MEG3: variants seen among roughly 807,000 people sequenced by gnomAD.
MEG3 encodes maternally expressed 3.
exon 1 of MEG3, chr14:100,835,645 A>C (rs1054000): frequency 0.17 from 26,844 of 156,424 alleles, 2,447 homozygotes; most frequent in African/African-American, 0.21. Flanking sequence ...CTCCCTGCCA[A>C]GCCCATACCT....
rs982384480 is a variant in MEG3, at chr14:100,852,084, G to A, written n.3121+6551G>A. 76 of 315,618 alleles carry A rather than the reference G, an allele frequency of 2.4e-4. 1 individual carries two copies. The highest frequency in any genetic ancestry group is 1.9e-3 in the Admixed American group (44 of 23,034). 19.6% of individuals were successfully genotyped at this position (315,618 alleles called of 1,614,324 possible). On this transcript the variant is annotated intron_variant and non_coding_transcript_variant, in intron 3 of 3. Transcript: ENST00000398461. The stretch of plus-strand genomic sequence containing the variant: ...ACTTGTGGCAGGGAGCACGTGGGAG[G>A]CAGGGGAGTGGGGTGGGGCCAGGCC...
At chr14:100,839,797 C>T (rs2037696884) in intron 2 of MEG3, among the ~76,000 whole-genome samples, 1 of 152,156 alleles carries the variant, frequency 6.6e-6, no homozygotes, top group Admixed American at 6.5e-5. Flanking sequence ...CAGCTCCAGC[C>T]GGATCCAGCA....
intron 2 of MEG3, among the ~76,000 whole-genome samples, chr14:100,841,859 T>C (rs2037770308): frequency 1.3e-5 from 2 of 152,328 alleles, no homozygotes; most frequent in Admixed American, 1.3e-4. Flanking sequence ...GAGATGTTCG[T>C]TCCCCCAACC....
intron 2 of MEG3, among the ~76,000 whole-genome samples, chr14:100,839,425 G>A (rs1038086942): frequency 6.6e-6 from 1 of 152,216 alleles, no homozygotes; most frequent in Admixed American, 6.5e-5. Flanking sequence ...GATTTGAGCA[G>A]ATGGAAGAGT....
chr14:100,846,593 AT>A (rs2037924145), intron 3 of MEG3: 1 of 152,264 alleles, frequency 6.6e-6, no homozygotes, highest in African/African-American at 2.4e-5. Flanking sequence ...TATCTATTGC[AT>A]TGTATAATAA....
exon 1 of MEG3, chr14:100,858,149 C>T (rs147729785): frequency 4.5e-4 from 69 of 152,670 alleles, no homozygotes; most frequent in African/African-American, 1.6e-3. Context: ...CCAAATAAGG[C>T]CTCCTGCCTG....
intron 3 of MEG3, chr14:100,851,473 C>T (rs531718413): frequency 7.3e-4 from 111 of 152,384 alleles, no homozygotes; most frequent in Non-Finnish European, 1.2e-3. Flanking sequence ...AAGGGGGACC[C>T]AGAAGCCCCG....
rs893531205 is a variant in MEG3, at chr14:100,845,166, G to T, written n.3046-292G>T. 6.6e-6 allele frequency among the ~76,000 whole-genome samples: 1 copy of T among 152,178 alleles called. No homozygotes were observed. The highest frequency in any genetic ancestry group is 2.4e-5 in the African/African-American group (1 of 41,432). Reference sequence around the variant, plus strand: ...CCACCCCCGTTTCTCATCTATGCAGGGTCCTAAGCCTTTGGGTCCCACAGA... The same window carrying T: ...CCACCCCCGTTTCTCATCTATGCAGTGTCCTAAGCCTTTGGGTCCCACAGA... On this transcript the variant is annotated intron_variant and non_coding_transcript_variant, in intron 2 of 3. Transcript: ENST00000398461. The surrounding 1 kb of genome is among the most constrained non-coding windows in gnomAD (Gnocchi z 5.2).
chr14:100,840,867 C>A (rs2037734339), intron 2 of MEG3, among the ~76,000 whole-genome samples: 1 of 152,220 alleles, frequency 6.6e-6, no homozygotes, highest in African/African-American at 2.4e-5. Flanking sequence ...GGGCCAAAGG[C>A]TGACCGCATG....
chr14:100,827,080 G>A (rs1027287064), intron 1 of MEG3, among the ~76,000 whole-genome samples: 41 of 152,252 alleles, frequency 2.7e-4, no homozygotes, highest in African/African-American at 9.6e-4. Context: ...TGGGAGCTGG[G>A]GATGGGGTGC....
upstream of MEG3, chr14:100,853,495 T>A (rs1278309918): frequency 6.6e-6 from 1 of 152,164 alleles, no homozygotes; most frequent in Non-Finnish European, 1.5e-5. Context: ...CTTACAGGCA[T>A]ACTTTTTTTA....
intron 2 of MEG3, among the ~76,000 whole-genome samples, chr14:100,844,196 G>A (rs1292886825): frequency 6.6e-6 from 1 of 152,072 alleles, no homozygotes; most frequent in Admixed American, 6.5e-5. Flanking sequence ...TGGCCTTTCT[G>A]TTTCCTGGGT....
At chr14:100,857,249 TAGAA>T (rs764720405) in exon 1 of MEG3, 2 of 152,196 alleles carry the variant, frequency 1.3e-5, no homozygotes, top group African/African-American at 4.8e-5. Context: ...TGTTTTATGT[TAGAA>T]AGCGCGTAGC....
intron 1 of MEG3, among the ~76,000 whole-genome samples, chr14:100,827,047 G>T (rs1405499237): frequency 6.6e-6 from 1 of 152,006 alleles, no homozygotes; most frequent in Non-Finnish European, 1.5e-5. Flanking sequence ...AGAAAAGGGG[G>T]TGTGTTGCTG....
rs540104377 is a variant in MEG3, at chr14:100,837,710, T to C, written n.3045+1410T>C. 1.3e-5 allele frequency among the ~76,000 whole-genome samples: 2 copies of C among 151,434 alleles called. No individual in the cohort carries two copies. The highest frequency in any genetic ancestry group is 2.9e-5 in the Non-Finnish European group (2 of 67,910). On this transcript the variant is annotated intron_variant and non_coding_transcript_variant, in intron 2 of 3. Coordinates refer to the MEG3 transcript ENST00000398461. The surrounding 1 kb of genome is among the most constrained non-coding windows in gnomAD (Gnocchi z 5.8). ...GTCTCTGGTTTCCGACGCAGCCTCG[T>C]AATGCTCTTTAATCAAACAGAGGAT...
chr14:100,850,571 C>T (rs1261146043), intron 3 of MEG3: 2 of 149,084 alleles, frequency 1.3e-5, no homozygotes, highest in Non-Finnish European at 3.0e-5. Flanking sequence ...TGCACTCCAG[C>T]CTGGGCTACA....
At chr14:100,829,105 G>A (rs1052241822) in exon 3 of MEG3, 2 of 152,236 alleles carry the variant, frequency 1.3e-5, no homozygotes, top group African/African-American at 2.4e-5. Context: ...CCCAGGACCA[G>A]GATGGCAAAG....
chr14:100,834,484 G>A (rs1282261532), exon 1 of MEG3: 2 of 315,544 alleles, frequency 6.3e-6, no homozygotes, highest in Non-Finnish European at 1.2e-5. Context: ...GGACTTTTCT[G>A]AGGCACCGGC....
In MEG3 at chr14:100,837,882, G is replaced by T. The variant is rs943970112; in HGVS notation, n.3045+1582G>T. 1.3e-5 allele frequency among the ~76,000 whole-genome samples: 2 copies of T among 152,018 alleles called. No individual in the cohort carries two copies. The highest frequency in any genetic ancestry group is 4.8e-5 in the African/African-American group (2 of 41,378). On this transcript the variant is annotated intron_variant and non_coding_transcript_variant, in intron 2 of 3. Coordinates refer to the MEG3 transcript ENST00000398461. The surrounding 1 kb of genome is among the most constrained non-coding windows in gnomAD (Gnocchi z 5.8). Reference sequence around the variant, plus strand: ...CTGTTGCCTTTGTCTGCTTGTTTCTGCTCTCTGGAGAGCCCCAGAGCCTGG... The same window carrying T: ...CTGTTGCCTTTGTCTGCTTGTTTCTTCTCTCTGGAGAGCCCCAGAGCCTGG...
Sources: gnomAD v4.1 joint callset for allele counts (sites outside exome capture counted in the v4.1 genomes callset) on GRCh38, gnomAD v4.1.1 for gene constraint, Gnocchi (gnomAD v3.1) non-coding constraint, MANE v1.5 for transcripts, NCBI Gene and HGNC (gene_info 2026-07-23, HGNC 2026-07-21) for gene names.